AFF1: variants seen among roughly 807,000 people sequenced by gnomAD.
AFF1 encodes AF4/FMR2 family member 1.
Under a neutral mutation model 121.7 loss-of-function variants are expected in AFF1, and 48 were observed. The observed-to-expected ratio is 0.39, with a 90% confidence interval of 0.31 to 0.50. The LOEUF is 0.50. AFF1 is among the 20% of genes least tolerant of loss of function. AFF1 has a pLI of 0.76. For synonymous variants in AFF1, 613 were observed against 563.0 expected, an observed-to-expected ratio of 1.09 and a Z score of -1.26; for missense variants, 1,523 against 1,511.7, an observed-to-expected ratio of 1.01 and a Z score of -0.12.
chr4:86,935,853 T>C (rs1719940400), intron 1 of AFF1: 1 of 152,106 alleles, frequency 6.6e-6, no homozygotes, highest in Non-Finnish European at 1.5e-5. Context: ...GACTGGTTAA[T>C]TTCTCTTGAT....
chr4:87,097,855 G>A (rs1725021242), intron 8 of AFF1, among the ~76,000 whole-genome samples: 1 of 152,198 alleles, frequency 6.6e-6, no homozygotes, highest in Non-Finnish European at 1.5e-5. Flanking sequence ...TTGGCAAATT[G>A]CAGTTGTTTC....
intron 1 of AFF1, among the ~76,000 whole-genome samples, chr4:86,948,240 C>T (rs1721008397): frequency 6.6e-6 from 1 of 151,910 alleles, no homozygotes; most frequent in Admixed American, 6.6e-5. Flanking sequence ...TTCTCCTCCC[C>T]CTCCTCCTTA....
chr4:86,971,397 C>T (rs1027334087), intron 2 of AFF1, among the ~76,000 whole-genome samples: 28 of 152,184 alleles, frequency 1.8e-4, no homozygotes, highest in Admixed American at 1.7e-3. Flanking sequence ...ATGATATTTT[C>T]TAGAATTCTG....
intron 2 of AFF1, among the ~76,000 whole-genome samples, chr4:86,966,703 G>A (rs915326573): frequency 2.6e-5 from 4 of 152,058 alleles, no homozygotes; most frequent in Admixed American, 6.6e-5. Context: ...GTAGCGTGTG[G>A]GCATCTTCCT....
At chr4:87,018,621 A>C (rs1395135244) in intron 2 of AFF1, among the ~76,000 whole-genome samples, 1 of 152,248 alleles carries the variant, frequency 6.6e-6, no homozygotes, top group South Asian at 2.1e-4. Context: ...ATTTTTAAAC[A>C]GGGATAAAAA....
At chr4:86,973,845 C>A (rs558472201) in intron 2 of AFF1, 1 of 150,562 alleles carries the variant, frequency 6.6e-6, no homozygotes, top group South Asian at 2.1e-4. Context: ...TATTGAAGAT[C>A]TGCTGTCAGA....
chr4:86,994,167 C>T (rs1724935322), intron 2 of AFF1, among the ~76,000 whole-genome samples: 1 of 152,208 alleles, frequency 6.6e-6, no homozygotes, highest in Admixed American at 6.5e-5. Context: ...AAGAGTCCCC[C>T]TACTAAATAA....
At chr4:87,004,171 C>CT (rs1725918576) in intron 2 of AFF1, among the ~76,000 whole-genome samples, 1 of 152,020 alleles carries the variant, frequency 6.6e-6, no homozygotes, top group African/African-American at 2.4e-5. Flanking sequence ...TTTGCTAAAA[C>CT]TGAATCTAGG....
chr4:87,139,670 T>C lies in AFF1; in HGVS notation c.*3969T>C, dbSNP rs1729566970. 4.4e-6 allele frequency: 1 copy of C among 229,480 alleles called. No individual in the cohort carries two copies. Among genetic ancestry groups the C allele is most frequent in the South Asian group, 1.8e-4 (1 of 5,496 alleles). 14.2% of individuals were successfully genotyped at this position (229,480 alleles called of 1,614,324 possible). On this transcript the variant is annotated 3_prime_UTR_variant, in exon 21 of 21. Transcript: ENST00000395146. The stretch of plus-strand genomic sequence containing the variant: ...TTGTCTCTTTTGTTTTGGGTCCCAC[T>C]TAGGATTAATGGATGTAAGGTATTT...
chr4:86,949,940 A>G, intron 2 of AFF1: 3 of 1,614,104 alleles, frequency 1.9e-6, no homozygotes, highest in Non-Finnish European at 2.5e-6. Context: ...AGCGGGCCGC[A>G]GGTCCCGCAG....
chr4:86,952,273 G>A (rs1435177979), intron 2 of AFF1, among the ~76,000 whole-genome samples: 1 of 152,070 alleles, frequency 6.6e-6, no homozygotes, highest in Non-Finnish European at 1.5e-5. Context: ...TCATCAGTTA[G>A]AGTTGACTAC....
intron 2 of AFF1, among the ~76,000 whole-genome samples, chr4:86,996,139 G>C (rs1205852058): frequency 6.6e-6 from 1 of 152,002 alleles, no homozygotes; most frequent in East Asian, 1.9e-4. Context: ...CGCCCTGTCC[G>C]GGAGGTGAGG....
At chr4:87,043,813 C>T (rs1435429829) in intron 2 of AFF1, among the ~76,000 whole-genome samples, 1 of 122,322 alleles carries the variant, frequency 8.2e-6, no homozygotes, top group Non-Finnish European at 1.6e-5. Flanking sequence ...ATAATTTTTT[C>T]TTTCTTTCTT....
rs373054568 is a variant in AFF1 at position 87,127,652 on chromosome 4, A to C, written c.2913A>C (p.Ala971=). Reference sequence around the variant, plus strand: ...TTTTCCTCTTTTTCAGACAACAAGCAGACCTTCACATGAGGGAGGCAAAAA... The same window carrying C: ...TTTTCCTCTTTTTCAGACAACAAGCCGACCTTCACATGAGGGAGGCAAAAA... ...KPQVKFDKQQ[A]DLHMREAKKM... The change falls in exon 16 of 21, where the codon GCA becomes GCC. Residue 971 remains alanine, a synonymous_variant. Transcript: ENST00000395146. 4.3e-6 allele frequency: 7 copies of C among 1,614,216 alleles called. No homozygotes were observed. Among genetic ancestry groups the C allele is most frequent in the Non-Finnish European group, 5.9e-6 (7 of 1,180,044 alleles).
rs191227151 is a variant in AFF1 at position 86,952,253 on chromosome 4, C to T, written c.38+3682C>T. Among the ~76,000 whole-genome samples, 43 of 152,146 alleles carry T rather than the reference C, an allele frequency of 2.8e-4. No homozygotes were observed. The East Asian group carries it at 6.8e-3, about 24-fold the overall frequency. ...TTATGATTGGCATTTTGATTGGAAT[C>T]CCTTGGAATTCATCAGTTAGAGTTG... On this transcript the variant is annotated intron_variant, in intron 2 of 20. Coordinates refer to ENST00000395146, the MANE Select transcript of AFF1 (RefSeq NM_001166693.3).
chr4:87,064,507 C>T (rs1385952107), intron 4 of AFF1, among the ~76,000 whole-genome samples: 2 of 152,122 alleles, frequency 1.3e-5, no homozygotes, highest in African/African-American at 2.4e-5. Flanking sequence ...TTTGGGAAGC[C>T]GAGGCAGGAG....
At chr4:86,938,340 C>G (rs1464943794) in intron 1 of AFF1, among the ~76,000 whole-genome samples, 1 of 151,738 alleles carries the variant, frequency 6.6e-6, no homozygotes, top group East Asian at 1.9e-4. Context: ...ATTACGCTTC[C>G]TCGGGAGGCT....
intron 1 of AFF1, among the ~76,000 whole-genome samples, chr4:86,944,774 C>T (rs1353403568): frequency 6.6e-6 from 1 of 152,192 alleles, no homozygotes; most frequent in African/African-American, 2.4e-5. Context: ...TTGAAAACAT[C>T]TTGAGTCACT....
Position 87,047,757 on chromosome 4 carries a change from G to C in AFF1, c.1059+163G>C, listed in dbSNP as rs1205766644. Reference sequence around the variant, plus strand: ...TTGTTAATAACCCGCGAAAAACTCAGATCTGAGATGGACGACTGATTATAG... The same window carrying C: ...TTGTTAATAACCCGCGAAAAACTCACATCTGAGATGGACGACTGATTATAG... On this transcript the variant is annotated intron_variant, in intron 4 of 20. Coordinates refer to ENST00000395146, the MANE Select transcript of AFF1 (RefSeq NM_001166693.3). 4.3e-6 allele frequency: 4 copies of C among 927,312 alleles called. No homozygotes were observed. In the Admixed American group the frequency reaches 5.1e-5, roughly 12 times the overall value. The allele number at this position is 927,312 out of a possible 1,614,324, so 57.4% of individuals were successfully genotyped here.
Sources: gnomAD v4.1 joint callset for allele counts (sites outside exome capture counted in the v4.1 genomes callset) on GRCh38, gnomAD v4.1.1 for gene constraint, MANE v1.5 for transcripts, NCBI Gene and HGNC (gene_info 2026-07-23, HGNC 2026-07-21) for gene names.